SDK1: variants seen among roughly 807,000 people sequenced by gnomAD.
SDK1 encodes sidekick cell adhesion molecule 1, also known as protein sidekick-1.
SDK1 carries 157 observed loss-of-function variants against 245.5 expected under a neutral mutation model. The observed-to-expected ratio is 0.64, with a 90% CI of 0.56 to 0.73. SDK1 has a LOEUF of 0.73. Among genes scored for constraint, SDK1 ranks in the 30% least tolerant of loss-of-function variants. SDK1 has a pLI of 0.00. For synonymous variants in SDK1, 1,647 were observed against 1,278.5 expected, an observed-to-expected ratio of 1.29 and a Z score of -6.15; for missense variants, 3,583 against 3,002.3, an observed-to-expected ratio of 1.19 and a Z score of -4.52.
chr7:3,874,468 G>A (rs531144207), intron 5 of SDK1, among the ~76,000 whole-genome samples: 4 of 152,204 alleles, frequency 2.6e-5, no homozygotes, highest in African/African-American at 9.6e-5. Flanking sequence ...TAAGCCTCAG[G>A]CTTAGGCAGG....
In SDK1 at chr7:3,845,488, C is replaced by CAAAAA. The variant is rs369588343; in HGVS notation, c.847+23925_847+23929dup. Reference sequence around the variant, plus strand: ...CTGGTGACAGAGTGAGACTCCGTCTCAAAAAAAAAAAAAAAAAAAAAAAAG... The same window carrying CAAAAA: ...CTGGTGACAGAGTGAGACTCCGTCTCAAAAAAAAAAAAAAAAAAAAAAAAAAAAAG... On this transcript the variant is annotated intron_variant, in intron 5 of 44. Transcript: ENST00000404826. Among the ~76,000 whole-genome samples the CAAAAA allele has an allele frequency of 4.1e-3, 164 of 40,144 alleles. 4 individuals are homozygous for CAAAAA. The highest frequency in any genetic ancestry group is 0.033 in the South Asian group (26 of 796). 26.3% of individuals were successfully genotyped at this position (40,144 alleles called of 152,430 possible). A position where few individuals can be genotyped will look rare whatever the true frequency, so the allele number is the denominator to read the frequency against.
At chr7:3,900,635 G>T (rs1781755516) in intron 5 of SDK1, among the ~76,000 whole-genome samples, 1 of 151,984 alleles carries the variant, frequency 6.6e-6, no homozygotes, top group Non-Finnish European at 1.5e-5. Context: ...ATTTCAACCT[G>T]CAGAAATGTA....
intron 1 of SDK1, among the ~76,000 whole-genome samples, chr7:3,602,302 A>C (rs1273293758): frequency 6.6e-6 from 1 of 151,028 alleles, no homozygotes; most frequent in Non-Finnish European, 1.5e-5. Flanking sequence ...CAACAGTGTA[A>C]AAGTGTTCCT....
intron 4 of SDK1, among the ~76,000 whole-genome samples, chr7:3,687,329 A>G (rs532674557): frequency 3.3e-5 from 5 of 152,060 alleles, no homozygotes; most frequent in South Asian, 4.2e-4. Flanking sequence ...GGGTTTCACT[A>G]TGTTGGCCAG....
chr7:3,717,198 TG>T (rs1785229596), intron 4 of SDK1, among the ~76,000 whole-genome samples: 2 of 152,202 alleles, frequency 1.3e-5, no homozygotes, highest in Admixed American at 1.3e-4. Flanking sequence ...GACCATATCC[TG>T]GTTCATAAAA....
At chr7:4,176,603 C>T (rs1782228508) in intron 34 of SDK1, among the ~76,000 whole-genome samples, 1 of 152,240 alleles carries the variant, frequency 6.6e-6, no homozygotes, top group Admixed American at 6.5e-5. Context: ...AGAACTTTCT[C>T]ATCTTCCCAA....
intron 1 of SDK1, among the ~76,000 whole-genome samples, chr7:3,565,803 A>T (rs1779895974): frequency 6.6e-6 from 1 of 152,218 alleles, no homozygotes; most frequent in African/African-American, 2.4e-5. Flanking sequence ...TGTTCAGGGA[A>T]TAATGACAGG....
At chr7:3,575,298 G>A (rs1397241766) in intron 1 of SDK1, among the ~76,000 whole-genome samples, 6 of 151,936 alleles carry the variant, frequency 3.9e-5, no homozygotes, top group African/African-American at 1.4e-4. Flanking sequence ...ATTCTCTGGT[G>A]TCTCTTCTTG....
At position 4,129,959 on chromosome 7, in the gene SDK1, C is replaced by T. The variant is rs764694117; in HGVS notation, c.3991C>T (p.Arg1331Ter). ...LDPEPRSHIV[R>*]GNHTQSALLA... is the part of the protein sequence containing the mutation. ...TCCCGAGCCCAGGAGCCACATCGTG[C>T]GAGGGAACCACACGCAGTCGGCCCT... Residue 1331 changes from arginine to a stop codon, truncating the protein, a stop_gained, in exon 27 of 45, where the codon CGA becomes TGA. Coordinates refer to ENST00000404826, the MANE Select transcript of SDK1 (RefSeq NM_152744.4). LOFTEE classifies it high-confidence loss of function. The T allele has an allele frequency of 6.2e-6, 10 of 1,613,722 alleles. No individual in the cohort carries two copies. Among genetic ancestry groups the T allele is most frequent in the African/African-American group, 1.3e-5 (1 of 74,932 alleles).
At chr7:3,850,398 C>T (rs1050107226) in intron 5 of SDK1, among the ~76,000 whole-genome samples, 4 of 152,188 alleles carry the variant, frequency 2.6e-5, no homozygotes, top group Admixed American at 1.3e-4. Flanking sequence ...ATGCCTTTTA[C>T]ACTGTTGGTG....
At chr7:4,176,947 C>G (rs1562392736) in intron 34 of SDK1, among the ~76,000 whole-genome samples, 1 of 152,228 alleles carries the variant, frequency 6.6e-6, no homozygotes, top group African/African-American at 2.4e-5. Flanking sequence ...GTTTCAAAAT[C>G]CAACTCAAGG....
chr7:3,955,194 G>A (rs1305584511), intron 7 of SDK1, among the ~76,000 whole-genome samples: 1 of 152,200 alleles, frequency 6.6e-6, no homozygotes, highest in Non-Finnish European at 1.5e-5. Context: ...TCTGCTGCCA[G>A]CCCCTTCAAG....
In SDK1 at chr7:3,536,406, C is replaced by T. The variant is rs571489074; in HGVS notation, c.299-82674C>T. On this transcript the variant is annotated intron_variant, in intron 1 of 44. Transcript: ENST00000404826. ...TTTTAAAAAATCTATGCATGGGGCT[C>T]GTTGGCTCATGCCTGTAATCTTAGC... Among the ~76,000 whole-genome samples the T allele has an allele frequency of 2.2e-4, 34 of 152,158 alleles. 2 individuals carry two copies. Among genetic ancestry groups the T allele is most frequent in the African/African-American group, 1.2e-4 (5 of 41,530 alleles).
intron 1 of SDK1, among the ~76,000 whole-genome samples, chr7:3,440,398 G>A (rs902169528): frequency 1.3e-5 from 2 of 152,108 alleles, no homozygotes; most frequent in Admixed American, 6.5e-5. Flanking sequence ...GGTAAGCTGC[G>A]AAGGTTCGGA....
In SDK1 at chr7:4,017,211, A is replaced by G. The variant is rs1562675285; in HGVS notation, c.2461A>G (p.Asn821Asp). Residue 821 changes from asparagine to aspartate, a missense_variant, in exon 17 of 45, where the codon AAC becomes GAC. By Grantham distance (23) the Asn-to-Asp change is conservative. Transcript: ENST00000404826. ...CCTTCCCGGAGAGTACCAGCAGCGG[A>G]ACATCACCAGCCCGGAGGTGAACTA... ...AGLPGEYQQR[N>D]ITSPEVNYCL... 6.2e-7 allele frequency: 1 copy of G among 1,613,740 alleles called. No homozygotes were observed. Among genetic ancestry groups the G allele is most frequent in the African/African-American group, 1.3e-5 (1 of 74,924 alleles).
At chr7:3,799,026 G>A (rs1779038148) in intron 4 of SDK1, among the ~76,000 whole-genome samples, 1 of 152,072 alleles carries the variant, frequency 6.6e-6, no homozygotes, top group East Asian at 1.9e-4. Flanking sequence ...TGCAAGGAAG[G>A]TTTGTCTCTT....
In SDK1 at chr7:4,268,356, C is replaced by T; in HGVS notation, c.*2972C>T. 1 of 1,056,728 alleles carries T rather than the reference C, an allele frequency of 9.5e-7. No homozygotes were observed. The highest frequency in any genetic ancestry group is 1.1e-6 in the Non-Finnish European group (1 of 870,568). The allele number at this position is 1,056,728 out of a possible 1,614,324, so 65.5% of individuals were successfully genotyped here. On this transcript the variant is annotated 3_prime_UTR_variant, in exon 45 of 45. Coordinates refer to ENST00000404826, the MANE Select transcript of SDK1 (RefSeq NM_152744.4). ...CCAGAGAGAGCTGCCAGGCCACACC[C>T]CCTCGGCCTCCTGCACGGCCACCTT... is the stretch of plus-strand genomic sequence containing the variant.
At chr7:3,514,742 C>CTG (rs777575715) in intron 1 of SDK1, among the ~76,000 whole-genome samples, 4 of 152,176 alleles carry the variant, frequency 2.6e-5, no homozygotes, top group African/African-American at 9.6e-5. Context: ...TTGACCAGAA[C>CTG]TGTAGGTACG....
intron 1 of SDK1, among the ~76,000 whole-genome samples, chr7:3,352,538 G>A (rs778765473): frequency 1.2e-4 from 18 of 152,236 alleles, no homozygotes; most frequent in Admixed American, 3.3e-4. Context: ...GACCAGCTGT[G>A]CCTGTAGTTA....
Sources: allele counts gnomAD v4.1 joint callset (sites outside exome capture counted in the v4.1 genomes callset), GRCh38; gene constraint gnomAD v4.1.1; transcripts MANE v1.5; gene names NCBI Gene and HGNC (gene_info 2026-07-23, HGNC 2026-07-21).